TENT5D: variants seen among roughly 807,000 people sequenced by gnomAD.
TENT5D encodes terminal nucleotidyltransferase 5D.
For missense variants in TENT5D, 191 were observed against 287.0 expected (o/e 0.67, Z 2.42); for synonymous variants, 103 against 100.6 (o/e 1.02, Z -0.15).
intron 2 of TENT5D, among the ~76,000 whole-genome samples, chrX:80,338,005 T>C (rs1030624612): frequency 8.9e-6 from 1 of 112,112 alleles, no homozygotes; most frequent in Non-Finnish European, 1.9e-5. Context: ...GCTCAGGCAA[T>C]CCACCTGCGT....
chrX:80,426,705 G>A (rs1317876590), intron 1 of TENT5D, among the ~76,000 whole-genome samples: 2 of 111,428 alleles, frequency 1.8e-5, no homozygotes, highest in African/African-American at 6.5e-5. Context: ...TTTATCCCTA[G>A]GCAAAATGTA....
exon 2 of TENT5D, chrX:80,335,658 C>G (rs984325663): frequency 8.9e-6 from 1 of 112,218 alleles, no homozygotes; most frequent in Non-Finnish European, 1.9e-5. Context: ...AGATTTCACT[C>G]TGTCCTTGGC....
At chrX:80,355,232 T>C (rs1930260332) in intron 3 of TENT5D, among the ~76,000 whole-genome samples, 2 of 111,804 alleles carry the variant, frequency 1.8e-5, no homozygotes, top group African/African-American at 6.5e-5. Flanking sequence ...AGCTGGGCTT[T>C]GCTGGCAAAA....
intron 3 of TENT5D, among the ~76,000 whole-genome samples, chrX:80,410,183 G>A (rs1275953963): frequency 9.1e-6 from 1 of 109,989 alleles, no homozygotes; most frequent in Admixed American, 9.8e-5. Context: ...ATAGGCATGG[G>A]CAAGGACTTC....
chrX:80,409,009 C>T (rs1454177019), intron 3 of TENT5D, among the ~76,000 whole-genome samples: 4 of 111,033 alleles, frequency 3.6e-5, no homozygotes, highest in African/African-American at 1.3e-4. Context: ...ACATGATTAT[C>T]TCAATAGATG....
At chrX:80,386,338 T>C (rs1452622056) in intron 3 of TENT5D, among the ~76,000 whole-genome samples, 1 of 110,548 alleles carries the variant, frequency 9.0e-6, no homozygotes, top group Non-Finnish European at 1.9e-5. Flanking sequence ...TTCTCACTCA[T>C]AGGTGGGAAT....
At chrX:80,381,193 G>T (rs981235575) in intron 3 of TENT5D, among the ~76,000 whole-genome samples, 1 of 111,231 alleles carries the variant, frequency 9.0e-6, no homozygotes, top group African/African-American at 3.3e-5. Flanking sequence ...GTCTGTGAAG[G>T]ATTTTATTTC....
chrX:80,345,655 TC>T (rs1930043503), intron 3 of TENT5D, among the ~76,000 whole-genome samples: 1 of 111,937 alleles, frequency 8.9e-6, no homozygotes, highest in Admixed American at 9.5e-5. Flanking sequence ...ATAGAAGGAT[TC>T]CGTTTTTCCT....
At chrX:80,383,020 G>T (rs1225199301) in intron 3 of TENT5D, among the ~76,000 whole-genome samples, 1 of 111,811 alleles carries the variant, frequency 8.9e-6, no homozygotes, top group Non-Finnish European at 1.9e-5. Flanking sequence ...AGCAGTCCCA[G>T]TGAGGTGAAC....
At chrX:80,407,729 C>T (rs1416697212) in intron 3 of TENT5D, among the ~76,000 whole-genome samples, 1 of 108,524 alleles carries the variant, frequency 9.2e-6, no homozygotes, top group South Asian at 4.1e-4. Flanking sequence ...AGGAATTGAA[C>T]TCAGCTCTGC....
intron 1 of TENT5D, among the ~76,000 whole-genome samples, chrX:80,429,590 A>C (rs1326641982): frequency 9.0e-6 from 1 of 110,647 alleles, no homozygotes; most frequent in Non-Finnish European, 1.9e-5. Flanking sequence ...GGCGTGAGCC[A>C]CTGCACCCAG....
exon 3 of TENT5D, chrX:80,444,622 C>T (rs4826179): frequency 0.092 from 11,180 of 122,068 alleles, 522 homozygotes; most frequent in African/African-American, 0.18. Flanking sequence ...TGAAAAACAT[C>T]TTTATGTTGA....
chrX:80,441,951 A>C (rs1332946668), intron 2 of TENT5D, among the ~76,000 whole-genome samples: 2 of 111,171 alleles, frequency 1.8e-5, no homozygotes, highest in Non-Finnish European at 3.8e-5. Flanking sequence ...GAATTAAAGG[A>C]GCTCATACTC....
At chrX:80,410,493 A>G (rs1168741052) in intron 3 of TENT5D, among the ~76,000 whole-genome samples, 1 of 93,665 alleles carries the variant, frequency 1.1e-5, no homozygotes, top group Non-Finnish European at 2.1e-5. Flanking sequence ...ACATGAAAAA[A>G]TGCTCACCAT....
intron 3 of TENT5D, among the ~76,000 whole-genome samples, chrX:80,372,886 CAA>C (rs59485814): frequency 2.5e-3 from 169 of 68,643 alleles, no homozygotes; most frequent in East Asian, 3.2e-3. Context: ...GACTCTATCT[CAA>C]AAAAAAAAAA....
intron 3 of TENT5D, among the ~76,000 whole-genome samples, chrX:80,405,294 T>C (rs1348344215): frequency 2.7e-5 from 3 of 112,236 alleles, no homozygotes; most frequent in East Asian, 2.8e-4. Context: ...CAGCTCCCAG[T>C]GTGAGCAACA....
chrX:80,443,874 C>G (rs1932337492), exon 3 of TENT5D: 1 of 457,664 alleles, frequency 2.2e-6, no homozygotes, highest in South Asian at 5.7e-5. Context: ...ATCAATTAAG[C>G]CATCATAGTA....
chrX:80,441,042 G>A (rs780611621), intron 2 of TENT5D, among the ~76,000 whole-genome samples: 2 of 110,899 alleles, frequency 1.8e-5, no homozygotes, highest in South Asian at 7.5e-4. Context: ...CATTTCATTC[G>A]ATAGATAAAT....
intron 3 of TENT5D, among the ~76,000 whole-genome samples, chrX:80,342,831 G>A (rs1173494119): frequency 9.0e-6 from 1 of 111,728 alleles, no homozygotes; most frequent in African/African-American, 3.2e-5. Context: ...AAAACATTAT[G>A]TACATGTGTT....
Sources: gnomAD v4.1 joint callset for allele counts (sites outside exome capture counted in the v4.1 genomes callset) on GRCh38, gnomAD v4.1.1 for gene constraint, MANE v1.5 for transcripts, NCBI Gene and HGNC (gene_info 2026-07-23, HGNC 2026-07-21) for gene names.